KCNQ5: variants seen among roughly 807,000 people sequenced by gnomAD.
KCNQ5 encodes potassium voltage-gated channel subfamily Q member 5.
A neutral mutation model predicts 98.2 loss-of-function variants in KCNQ5; 30 were observed. The ratio of observed to expected loss-of-function variants is 0.31; its 90% CI spans 0.23 to 0.41. The LOEUF is 0.41. Among genes scored for constraint, KCNQ5 ranks in the 10% least tolerant of loss-of-function variants. The pLI, the probability that KCNQ5 is intolerant of heterozygous loss-of-function variation, is 1.00. For missense variants in KCNQ5, 835 were observed against 1,182.5 expected (o/e 0.71, Z 4.31); for synonymous variants, 458 against 449.4 (o/e 1.02, Z -0.24).
intron 1 of KCNQ5, among the ~76,000 whole-genome samples, chr6:72,781,202 G>A (rs948770603): frequency 6.6e-6 from 1 of 152,142 alleles, no homozygotes; most frequent in African/African-American, 2.4e-5. Flanking sequence ...TGAAGGCCAA[G>A]ACAGAGATTG....
chr6:73,072,925 T>C (rs528416093), intron 3 of KCNQ5, among the ~76,000 whole-genome samples: 82 of 152,202 alleles, frequency 5.4e-4, no homozygotes, highest in African/African-American at 1.9e-3. Context: ...GACTTAGAGC[T>C]CCTCCTTGTT....
intron 1 of KCNQ5, among the ~76,000 whole-genome samples, chr6:72,939,782 A>G (rs1024392096): frequency 6.6e-6 from 1 of 152,096 alleles, no homozygotes; most frequent in Non-Finnish European, 1.5e-5. Context: ...ACATCTCCCA[A>G]CTGAGCTGGT....
intron 10 of KCNQ5, among the ~76,000 whole-genome samples, chr6:73,153,997 T>TTTAA (rs141041097): frequency 3.3e-5 from 2 of 59,868 alleles, no homozygotes; most frequent in Non-Finnish European, 2.9e-5. Context: ...AAATTAGCTC[T>TTTAA]TTAGAATATT....
chr6:72,655,373 A>G (rs1766136691), intron 1 of KCNQ5, among the ~76,000 whole-genome samples: 1 of 151,990 alleles, frequency 6.6e-6, no homozygotes. Flanking sequence ...AATTAAGGAG[A>G]CAGTTATATA....
rs117962903 is a variant in KCNQ5 at position 73,143,742 on chromosome 6, C to G, written c.1468+10101C>G. ...GCGTGACAACTGTCACCCCAAAGAA[C>G]TTACTGTTTGTCTGTAAGTTTTACC... On this transcript the variant is annotated intron_variant, in intron 10 of 13. Transcript: ENST00000370398. 5.8e-4 allele frequency among the ~76,000 whole-genome samples: 88 copies of G among 152,320 alleles called. No homozygotes were observed. The East Asian group carries it at 0.016, about 27-fold the overall frequency.
chr6:72,948,709 A>C (rs1417883819), intron 1 of KCNQ5, among the ~76,000 whole-genome samples: 3 of 152,164 alleles, frequency 2.0e-5, no homozygotes, highest in African/African-American at 7.2e-5. Context: ...AGATTAACAT[A>C]TGCCAAGAGT....
intron 1 of KCNQ5, chr6:72,987,497 C>T: frequency 1.5e-6 from 1 of 663,954 alleles, no homozygotes; most frequent in Non-Finnish European, 2.9e-6. Flanking sequence ...CTGGTGGCTT[C>T]AAAAACCTGT....
intron 2 of KCNQ5, among the ~76,000 whole-genome samples, chr6:73,016,717 T>C (rs1348302093): frequency 6.6e-6 from 1 of 152,060 alleles, no homozygotes; most frequent in Non-Finnish European, 1.5e-5. Flanking sequence ...ACTAGAACAA[T>C]ATAGAGAACT....
rs150748011 is a variant in KCNQ5, at chr6:72,922,656, G to A, written c.399-81252G>A. ...ATTCCATGTAAAAGTGAGATCATGC[G>A]GTATTTGCTTTCTATGCCTGGTTTA... On this transcript the variant is annotated intron_variant, in intron 1 of 13. Coordinates refer to ENST00000370398, the MANE Select transcript of KCNQ5 (RefSeq NM_019842.4). Among the ~76,000 whole-genome samples, 44 of 152,070 alleles carry A rather than the reference G, an allele frequency of 2.9e-4. No homozygotes were observed. In the Middle Eastern group the frequency reaches 0.014, roughly 47 times the overall value.
chr6:73,147,403 A>G (rs1450114275), intron 10 of KCNQ5, among the ~76,000 whole-genome samples: 1 of 152,086 alleles, frequency 6.6e-6, no homozygotes, highest in East Asian at 1.9e-4. Flanking sequence ...GGCAATTTCT[A>G]CCTGTGGTAA....
intron 2 of KCNQ5, among the ~76,000 whole-genome samples, chr6:73,039,047 A>G (rs190120685): frequency 2.0e-4 from 31 of 152,126 alleles, no homozygotes; most frequent in African/African-American, 6.3e-4. Context: ...TAGATTGTCT[A>G]TTTCTTCTTT....
intron 11 of KCNQ5, among the ~76,000 whole-genome samples, chr6:73,182,484 T>C (rs1392162745): frequency 6.6e-6 from 1 of 152,206 alleles, no homozygotes; most frequent in African/African-American, 2.4e-5. Flanking sequence ...TTCACTCTTC[T>C]ACCTGCCAAC....
chr6:72,729,214 T>C (rs1770433401), intron 1 of KCNQ5, among the ~76,000 whole-genome samples: 3 of 152,230 alleles, frequency 2.0e-5, no homozygotes, highest in African/African-American at 7.2e-5. Flanking sequence ...TGACTAATCT[T>C]GTACGTGTGT....
chr6:72,914,108 T>C (rs1018177738), intron 1 of KCNQ5, among the ~76,000 whole-genome samples: 9 of 152,178 alleles, frequency 5.9e-5, no homozygotes, highest in African/African-American at 2.2e-4. Flanking sequence ...GGCTGTTTTG[T>C]CAAATACCAA....
intron 1 of KCNQ5, among the ~76,000 whole-genome samples, chr6:72,935,603 A>AAT (rs1765882400): frequency 6.6e-6 from 1 of 152,076 alleles, no homozygotes; most frequent in Non-Finnish European, 1.5e-5. Context: ...GACATGATCT[A>AAT]ATATATCCCT....
chr6:72,760,447 C>CGTGTGT (rs10607088), intron 1 of KCNQ5, among the ~76,000 whole-genome samples: 12 of 148,140 alleles, frequency 8.1e-5, no homozygotes, highest in East Asian at 2.0e-4. Flanking sequence ...TTCAGGAGTA[C>CGTGTGT]GTGTGTGTGT....
chr6:73,135,448 TA>T (rs1259495766), intron 10 of KCNQ5: 1 of 146,326 alleles, frequency 6.8e-6, no homozygotes, highest in Non-Finnish European at 1.5e-5. Flanking sequence ...AACAAAATGT[TA>T]GGGGGAAAAA....
intron 10 of KCNQ5, among the ~76,000 whole-genome samples, chr6:73,161,792 C>T (rs1447252682): frequency 2.0e-5 from 3 of 152,180 alleles, no homozygotes; most frequent in African/African-American, 7.2e-5. Context: ...CCAAAATGGT[C>T]TTCTTTACCA....
intron 6 of KCNQ5, among the ~76,000 whole-genome samples, chr6:73,106,026 T>C (rs542848084): frequency 6.6e-6 from 1 of 152,146 alleles, no homozygotes; most frequent in Non-Finnish European, 1.5e-5. Context: ...TCCAAGTTCT[T>C]GCTTTTGTTC....
Sources: gnomAD v4.1 joint callset for allele counts (sites outside exome capture counted in the v4.1 genomes callset) on GRCh38, gnomAD v4.1.1 for gene constraint, MANE v1.5 for transcripts, NCBI Gene and HGNC (gene_info 2026-07-23, HGNC 2026-07-21) for gene names.